TRIM5: variants seen among roughly 807,000 people sequenced by gnomAD.
TRIM5 encodes tripartite motif-containing protein 5.
A neutral mutation model predicts 35.6 loss-of-function variants in TRIM5; 31 were observed. The observed-to-expected ratio is 0.87, with a 90% CI of 0.65 to 1.18. The LOEUF (loss-of-function observed/expected upper bound fraction) is 1.18, where lower values mean the gene tolerates loss of function less well. Ranked by LOEUF, TRIM5 falls within the 50% of genes most tolerant of loss-of-function variation. TRIM5 has a pLI of 0.00. For missense variants in TRIM5, 609 were observed against 591.6 expected, an observed-to-expected ratio of 1.03 and a Z score of -0.31; for synonymous variants, 243 against 215.6, an observed-to-expected ratio of 1.13 and a Z score of -1.11.
the TRIM5 span, chr11:5,643,613 C>T: frequency 6.2e-7 from 1 of 1,614,124 alleles, no homozygotes; most frequent in Non-Finnish European, 8.5e-7. Flanking sequence ...CCCTCATTTA[C>T]AAGTTCTCTA....
the TRIM5 span, chr11:5,597,039 C>T: frequency 6.7e-7 from 1 of 1,495,918 alleles, no homozygotes; most frequent in Non-Finnish European, 9.1e-7. Flanking sequence ...TTCTTTCTCA[C>T]TGCAAATGAC....
At chr11:5,657,669 TA>T in the TRIM5 span, among the ~76,000 whole-genome samples, 2 of 93,908 alleles carry the variant, frequency 2.1e-5, no homozygotes, top group East Asian at 4.2e-4. Flanking sequence ...TATATATTTA[TA>T]ATATAATATA....
At chr11:5,603,410 G>A in the TRIM5 span, 1 of 1,614,098 alleles carries the variant, frequency 6.2e-7, no homozygotes, top group Admixed American at 1.7e-5. Flanking sequence ...TGTGGCCACA[G>A]CTTCTGCCAA....
chr11:5,630,032 A>G, the TRIM5 span, among the ~76,000 whole-genome samples: 1 of 152,148 alleles, frequency 6.6e-6, no homozygotes, highest in Non-Finnish European at 1.5e-5. Context: ...CGGTGGTACA[A>G]GACCATGTGA....
chr11:5,595,908 C>T, the TRIM5 span, among the ~76,000 whole-genome samples: 1 of 152,110 alleles, frequency 6.6e-6, no homozygotes, highest in Non-Finnish European at 1.5e-5. Context: ...GTCTCAATCT[C>T]CTGACCTCGT....
intron 6 of TRIM5, 106 bp downstream of exon 6, chr11:5,665,875 T>A (rs1590224807): frequency 1.6e-6 from 2 of 1,286,028 alleles, no homozygotes; most frequent in Non-Finnish European, 2.1e-6. Context: ...ATATCTATCC[T>A]CCCCTATCCC....
the TRIM5 span, chr11:5,604,763 C>T: frequency 3.6e-6 from 3 of 841,426 alleles, no homozygotes; most frequent in South Asian, 2.3e-5. Flanking sequence ...CCTGGTCCTC[C>T]ACTATATTCC....
chr11:5,624,993 C>T, the TRIM5 span: 1 of 152,210 alleles, frequency 6.6e-6, no homozygotes, highest in Non-Finnish European at 1.5e-5. Context: ...TGAATGAATC[C>T]TGACCACACC....
At chr11:5,606,903 A>G in the TRIM5 span, among the ~76,000 whole-genome samples, 1 of 152,162 alleles carries the variant, frequency 6.6e-6, no homozygotes, top group Non-Finnish European at 1.5e-5. Flanking sequence ...ATTGTTGCCC[A>G]TTAAGATTTT....
the TRIM5 span, chr11:5,603,803 G>A: frequency 2.6e-6 from 4 of 1,564,384 alleles, no homozygotes; most frequent in Non-Finnish European, 3.5e-6. Context: ...GTTTTATCAT[G>A]CTCTGATCTA....
chr11:5,641,323 T>A, the TRIM5 span: 1 of 1,545,960 alleles, frequency 6.5e-7, no homozygotes, highest in Non-Finnish European at 8.8e-7. Flanking sequence ...TATCTTAAAT[T>A]GCTGGTCCCC....
At chr11:5,634,890 T>G in the TRIM5 span, 1 of 1,602,944 alleles carries the variant, frequency 6.2e-7, no homozygotes, top group Non-Finnish European at 8.5e-7. Context: ...TCTGAGATTC[T>G]GGGAACACAG....
intron 1 of TRIM5, among the ~76,000 whole-genome samples, chr11:5,682,091 CCGGCTT>C (rs1852511192): frequency 6.6e-6 from 1 of 152,070 alleles, no homozygotes; most frequent in South Asian, 2.1e-4. Context: ...GCCACCGTGC[CCGGCTT>C]CAGCTTTTAA....
chr11:5,663,586 T>C lies in TRIM5; in HGVS notation c.*1223A>G. The stretch of plus-strand genomic sequence containing the variant: ...TGCTTTATACTTCAGGAATTTATTT[T>C]TTCACAATGATCCAAAGTATTAGAT... On this transcript the variant is annotated 3_prime_UTR_variant, in exon 8 of 8. Coordinates refer to ENST00000380034, the MANE Select transcript of TRIM5 (RefSeq NM_033034.3). The C allele has an allele frequency of 1.0e-6, 1 of 966,388 alleles. No homozygotes were observed. Among genetic ancestry groups the C allele is most frequent in the Non-Finnish European group, 1.2e-6 (1 of 812,444 alleles). The allele number at this position is 966,388 out of a possible 1,614,324, so 59.9% of individuals were successfully genotyped here.
the TRIM5 span, among the ~76,000 whole-genome samples, chr11:5,656,917 T>G: frequency 6.6e-6 from 1 of 152,154 alleles, no homozygotes; most frequent in East Asian, 1.9e-4. Flanking sequence ...TCCTCAAGTA[T>G]CTAGAACCAG....
chr11:5,598,920 T>G, the TRIM5 span, among the ~76,000 whole-genome samples: 2 of 152,156 alleles, frequency 1.3e-5, no homozygotes, highest in Non-Finnish European at 2.9e-5. Flanking sequence ...GCATTTCCCT[T>G]TATGTATTCA....
At chr11:5,662,075 A>C (rs985500041), downstream of TRIM5, among the ~76,000 whole-genome samples, 1 of 152,162 alleles carries the variant, frequency 6.6e-6, no homozygotes, top group Non-Finnish European at 1.5e-5. Flanking sequence ...TAAAAGGGAA[A>C]ATTTATAGCA....
the TRIM5 span, among the ~76,000 whole-genome samples, chr11:5,638,048 G>C: frequency 2.0e-5 from 3 of 152,156 alleles, no homozygotes; most frequent in South Asian, 6.2e-4. Flanking sequence ...TATCAAGAAT[G>C]AATGAGTTAA....
At chr11:5,596,698 G>T in the TRIM5 span, 2,191 of 776,958 alleles carry the variant, frequency 2.8e-3, 41 homozygotes, top group African/African-American at 0.033. Flanking sequence ...CCGTTCAACG[G>T]CCAAAGGCTG....
Sources: allele counts gnomAD v4.1 joint callset (sites outside exome capture counted in the v4.1 genomes callset), GRCh38; gene constraint gnomAD v4.1.1; transcripts MANE v1.5; gene names NCBI Gene and HGNC (gene_info 2026-07-23, HGNC 2026-07-21).